Variants in GFRA2 observed in about 807,000 individuals in gnomAD.
The protein encoded by GFRA2 is GDNF family receptor alpha 2.
GFRA2 carries 17 observed loss-of-function variants against 48.3 expected under a neutral mutation model. The observed-to-expected ratio is 0.35, with a 90% CI of 0.24 to 0.53. GFRA2 has a LOEUF of 0.53. GFRA2 is among the 20% of genes least tolerant of loss of function. The pLI is 0.93. For synonymous variants in GFRA2, 305 were observed against 257.2 expected, an observed-to-expected ratio of 1.19 and a Z score of -1.78; for missense variants, 660 against 637.3, an observed-to-expected ratio of 1.04 and a Z score of -0.38.
upstream of GFRA2, chr8:21,790,201 C>G (rs1352993228): frequency 1.7e-6 from 1 of 588,566 alleles, no homozygotes; most frequent in Admixed American, 6.3e-5. Flanking sequence ...GGCGCGGGGT[C>G]GCGGTCGCGC....
At chr8:21,716,926 G>C (rs1803366044) in intron 4 of GFRA2, among the ~76,000 whole-genome samples, 1 of 152,212 alleles carries the variant, frequency 6.6e-6, no homozygotes, top group African/African-American at 2.4e-5. Flanking sequence ...GAGTCCCCCA[G>C]CACTAGCTGC....
At chr8:21,705,168 G>A (rs369268651) in intron 5 of GFRA2, 43 bp from the exon 6 acceptor site, 1 of 1,575,016 alleles carries the variant, frequency 6.3e-7, no homozygotes, top group Non-Finnish European at 8.6e-7. Flanking sequence ...AGGTACGGTG[G>A]GGCCTTCCCC....
chr8:21,793,578 T>G (rs1469825983), upstream of GFRA2, among the ~76,000 whole-genome samples: 1 of 152,206 alleles, frequency 6.6e-6, no homozygotes, highest in Non-Finnish European at 1.5e-5. Context: ...AATAACTCGA[T>G]GGCTATTATT....
chr8:21,697,171 G>GAGGGGAGAGAAGGGGA, intron 7 of GFRA2, among the ~76,000 whole-genome samples: 1 of 145,476 alleles, frequency 6.9e-6, no homozygotes, highest in East Asian at 2.1e-4. Context: ...GAGGATAGGG[G>GAGGGGAGAGAAGGGGA]AGGGGACAGA....
chr8:21,795,743 C>A (rs1807662517), intron 2 of GFRA2, among the ~76,000 whole-genome samples: 1 of 152,178 alleles, frequency 6.6e-6, no homozygotes, highest in Admixed American at 6.5e-5. Flanking sequence ...ACCAAGGTTA[C>A]AACATAGCCA....
At chr8:21,744,266 T>C (rs1804885048) in intron 4 of GFRA2, among the ~76,000 whole-genome samples, 2 of 152,096 alleles carry the variant, frequency 1.3e-5, no homozygotes, top group South Asian at 4.1e-4. Flanking sequence ...CCCAACTTCC[T>C]CTGCTTCCCA....
At chr8:21,795,730 A>G (rs946289867) in intron 2 of GFRA2, among the ~76,000 whole-genome samples, 87 of 152,294 alleles carry the variant, frequency 5.7e-4, no homozygotes, top group African/African-American at 1.9e-3. Flanking sequence ...CACTCATGAC[A>G]TGACCAAGGT....
upstream of GFRA2, among the ~76,000 whole-genome samples, chr8:21,791,621 T>A (rs1807575958): frequency 1.3e-5 from 2 of 152,316 alleles, no homozygotes; most frequent in South Asian, 4.1e-4. Flanking sequence ...TAAGAGGACT[T>A]CTGAACCTCA....
chr8:21,801,678 T>A (rs1807773437), intron 2 of GFRA2, among the ~76,000 whole-genome samples: 1 of 152,038 alleles, frequency 6.6e-6, no homozygotes, highest in Non-Finnish European at 1.5e-5. Context: ...GGAAGTGGGT[T>A]TTTAGAGACT....
chr8:21,711,374 A>G (rs964431246), intron 4 of GFRA2, among the ~76,000 whole-genome samples: 1 of 152,216 alleles, frequency 6.6e-6, no homozygotes, highest in African/African-American at 2.4e-5. Context: ...ACCAAAATGA[A>G]GAGGAGCCAA....
At position 21,788,875 on chromosome 8, in the gene GFRA2, C is replaced by T. The variant is rs1807421720; in HGVS notation, c.-716G>A. 2.4e-6 allele frequency: 2 copies of T among 816,442 alleles called. No individual in the cohort carries two copies. Among genetic ancestry groups the T allele is most frequent in the Non-Finnish European group, 3.0e-6 (2 of 675,890 alleles). 50.6% of individuals were successfully genotyped at this position (816,442 alleles called of 1,614,324 possible). On this transcript the variant is annotated 5_prime_UTR_variant, in exon 1 of 9. Coordinates refer to ENST00000524240, the MANE Select transcript of GFRA2 (RefSeq NM_001495.5). ...CTTTGCTCTCGCTCTCTCCAGCTCT[C>T]CCTCGCTCTCCTCTCTCCCTCCCCC...
intron 3 of GFRA2, among the ~76,000 whole-genome samples, chr8:21,757,978 C>T (rs1361048343): frequency 1.3e-5 from 2 of 152,194 alleles, no homozygotes; most frequent in East Asian, 1.9e-4. Flanking sequence ...CCCCATCTCC[C>T]ATTCTAGCAG....
chr8:21,745,356 C>T (rs1804954433), intron 4 of GFRA2, among the ~76,000 whole-genome samples: 1 of 152,166 alleles, frequency 6.6e-6, no homozygotes, highest in Non-Finnish European at 1.5e-5. Flanking sequence ...GTATCAGGGC[C>T]GGGTGCTGTA....
intron 4 of GFRA2, among the ~76,000 whole-genome samples, chr8:21,731,575 C>G (rs1244038904): frequency 6.6e-6 from 1 of 152,132 alleles, no homozygotes; most frequent in Non-Finnish European, 1.5e-5. Context: ...CCTGAACAGA[C>G]AGTATAAAGT....
At chr8:21,786,249 G>T (rs373615703) in intron 1 of GFRA2, among the ~76,000 whole-genome samples, 3,387 of 152,282 alleles carry the variant, frequency 0.022, 107 homozygotes, top group African/African-American at 0.075. Context: ...CTTCTGAAAA[G>T]GAGAAAGGTG....
At chr8:21,792,067 C>G (rs1190183375), upstream of GFRA2, among the ~76,000 whole-genome samples, 2 of 152,146 alleles carry the variant, frequency 1.3e-5, no homozygotes, top group Non-Finnish European at 2.9e-5. Flanking sequence ...ATCCTAGAGT[C>G]CAAATCTGCA....
intron 4 of GFRA2, among the ~76,000 whole-genome samples, chr8:21,741,320 T>C (rs1318048102): frequency 6.6e-6 from 1 of 152,182 alleles, no homozygotes; most frequent in African/African-American, 2.4e-5. Context: ...CTGCACGTGA[T>C]GCTCTTTCTC....
intron 4 of GFRA2, among the ~76,000 whole-genome samples, chr8:21,734,988 T>A (rs1174604335): frequency 6.6e-6 from 1 of 152,310 alleles, no homozygotes; most frequent in East Asian, 1.9e-4. Context: ...CTCTCACCTT[T>A]TGGAAGCCCC....
At chr8:21,752,538 G>T (rs1805345197) in intron 3 of GFRA2, among the ~76,000 whole-genome samples, 1 of 151,908 alleles carries the variant, frequency 6.6e-6, no homozygotes, top group Non-Finnish European at 1.5e-5. Context: ...TTCTCTACAT[G>T]CACCTGCTCC....
Sources: allele counts gnomAD v4.1 joint callset (sites outside exome capture counted in the v4.1 genomes callset), GRCh38; gene constraint gnomAD v4.1.1; transcripts MANE v1.5; gene names NCBI Gene and HGNC (gene_info 2026-07-23, HGNC 2026-07-21).